ERG: variants seen among roughly 807,000 people sequenced by gnomAD.
The protein encoded by ERG is ETS transcription factor ERG, also known as transcriptional regulator ERG.
ERG carries 9 observed loss-of-function variants against 55.3 expected under a neutral mutation model. The observed-to-expected ratio is 0.16, with a 90% confidence interval of 0.10 to 0.28. ERG has a LOEUF of 0.28. Ranked by LOEUF, ERG falls within the 10% of genes least tolerant of loss-of-function variation. ERG has a pLI of 1.00. For synonymous variants in ERG, 223 were observed against 237.3 expected (o/e 0.94, Z 0.55); for missense variants, 434 against 631.6 (o/e 0.69, Z 3.35).
intron 2 of ERG, among the ~76,000 whole-genome samples, chr21:38,438,793 G>A (rs940517310): frequency 1.3e-5 from 2 of 152,216 alleles, no homozygotes; most frequent in Non-Finnish European, 2.9e-5. Flanking sequence ...CAGCTGCTGG[G>A]CTTTCTCATT....
intron 2 of ERG, among the ~76,000 whole-genome samples, chr21:38,442,575 G>A (rs1404841280): frequency 1.3e-5 from 2 of 152,112 alleles, no homozygotes; most frequent in Admixed American, 1.3e-4. Context: ...CTTTCTTATG[G>A]ACTGAAGCTC....
chr21:38,536,597 T>C (rs1893199), intron 2 of ERG, among the ~76,000 whole-genome samples: 63,246 of 151,954 alleles, frequency 0.42, 13,626 homozygotes, highest in African/African-American at 0.52. Flanking sequence ...TTTGAATGTG[T>C]AGAACCCAAC....
chr21:38,456,610 C>T (rs1026729203), intron 1 of ERG, among the ~76,000 whole-genome samples: 1 of 152,030 alleles, frequency 6.6e-6, no homozygotes, highest in Non-Finnish European at 1.5e-5. Context: ...TCATTGTTGG[C>T]ATGGGCCACA....
At chr21:38,511,568 T>A (rs931985592) in intron 2 of ERG, among the ~76,000 whole-genome samples, 1 of 152,188 alleles carries the variant, frequency 6.6e-6, no homozygotes. Context: ...ATTTAAAGTA[T>A]CACTAGGAAA....
intron 1 of ERG, among the ~76,000 whole-genome samples, chr21:38,450,294 C>T (rs530871487): frequency 5.9e-5 from 9 of 152,132 alleles, no homozygotes; most frequent in Non-Finnish European, 1.2e-4. Context: ...AGGAGAATTG[C>T]TTGAACCCGG....
intron 1 of ERG, among the ~76,000 whole-genome samples, chr21:38,618,034 G>A (rs74442108): frequency 0.01 from 1,581 of 152,286 alleles, 35 homozygotes; most frequent in African/African-American, 0.036. Flanking sequence ...AAGCCCACAC[G>A]TGTCATGGAG....
Position 38,392,398 on chromosome 21 carries a change from G to A in ERG, c.792C>T (p.Gly264=), listed in dbSNP as rs1451257831. The A allele has an allele frequency of 6.4e-7, 1 of 1,567,094 alleles. No individual in the cohort carries two copies. The highest frequency in any genetic ancestry group is 1.2e-5 in the South Asian group (1 of 85,296). The change falls in exon 7 of 10, where the codon GGC becomes GGT. Residue 264 remains glycine (G), a synonymous_variant. Coordinates refer to ENST00000288319, the MANE Select transcript of ERG (RefSeq NM_182918.4). ...PPRRSAWTGH[G]HPTPQSKAAQ... is the part of the protein sequence containing the mutation. ...TACCTTTCGACTGGGGCGTGGGGTG[G>A]CCGTGACCGGTCCAGGCTGATCTCC...
At chr21:38,568,514 C>T (rs1019377188) in intron 2 of ERG, among the ~76,000 whole-genome samples, 3 of 152,070 alleles carry the variant, frequency 2.0e-5, no homozygotes, top group African/African-American at 7.2e-5. Flanking sequence ...TAAAAATGAG[C>T]AAAAGTATAA....
chr21:38,420,519 C>T (rs2836381), intron 3 of ERG, among the ~76,000 whole-genome samples: 67,128 of 152,050 alleles, frequency 0.44, 15,588 homozygotes, highest in African/African-American at 0.59. Context: ...AAACAGCCTT[C>T]ACATCAAAGC....
chr21:38,559,188 G>A (rs761199160), intron 2 of ERG, among the ~76,000 whole-genome samples: 8 of 152,090 alleles, frequency 5.3e-5, no homozygotes, highest in Non-Finnish European at 1.0e-4. Context: ...ATCCATAGGA[G>A]GATCCTCCCA....
At chr21:38,442,615 C>A (rs2146548837) in intron 2 of ERG, among the ~76,000 whole-genome samples, 1 of 152,134 alleles carries the variant, frequency 6.6e-6, no homozygotes, top group East Asian at 1.9e-4. Flanking sequence ...TAGACTGTAG[C>A]CCCTTGCCTG....
intron 1 of ERG, among the ~76,000 whole-genome samples, chr21:38,622,051 G>T (rs182652843): frequency 7.2e-5 from 11 of 152,370 alleles, no homozygotes; most frequent in African/African-American, 2.2e-4. Context: ...AGATGGTCAG[G>T]TGCAGCCCCA....
intron 2 of ERG, among the ~76,000 whole-genome samples, chr21:38,564,722 T>G (rs553043485): frequency 1.3e-5 from 2 of 151,896 alleles, no homozygotes; most frequent in Admixed American, 6.6e-5. Context: ...AGACAGCAGT[T>G]TCTTAGCCCT....
At chr21:38,502,766 G>A (rs899748859), upstream of ERG, 11 of 137,710 alleles carry the variant, frequency 8.0e-5, no homozygotes, top group Admixed American at 2.4e-4. Flanking sequence ...TCACTCTGTC[G>A]CCCAGGCTGG....
At chr21:38,635,154 A>C (rs1189972965) in intron 1 of ERG, among the ~76,000 whole-genome samples, 1 of 152,220 alleles carries the variant, frequency 6.6e-6, no homozygotes, top group Non-Finnish European at 1.5e-5. Flanking sequence ...AGAAGGATGA[A>C]TAGGGAGAGC....
intron 2 of ERG, among the ~76,000 whole-genome samples, chr21:38,438,103 G>T (rs1371255359): frequency 1.3e-5 from 2 of 152,136 alleles, no homozygotes; most frequent in Non-Finnish European, 2.9e-5. Context: ...CAGGGCCTTT[G>T]CATTTAGCAT....
intron 1 of ERG, among the ~76,000 whole-genome samples, chr21:38,472,391 C>T (rs186567803): frequency 7.2e-5 from 11 of 152,222 alleles, no homozygotes; most frequent in Admixed American, 2.0e-4. Flanking sequence ...CTTCAATTAC[C>T]GTCTCATTTG....
intron 3 of ERG, among the ~76,000 whole-genome samples, 183 bp from the exon 4 acceptor site, chr21:38,403,892 A>G (rs769665563): frequency 6.6e-6 from 1 of 152,126 alleles, no homozygotes; most frequent in Non-Finnish European, 1.5e-5. Context: ...ACATCCATAG[A>G]TCATTGTCTT....
chr21:38,411,416 C>A (rs1050270582), intron 3 of ERG, among the ~76,000 whole-genome samples: 1 of 152,146 alleles, frequency 6.6e-6, no homozygotes, highest in African/African-American at 2.4e-5. Flanking sequence ...CTCCCAGGTT[C>A]AACTGCCTCA....
Sources: allele counts gnomAD v4.1 joint callset (sites outside exome capture counted in the v4.1 genomes callset), GRCh38; gene constraint gnomAD v4.1.1; transcripts MANE v1.5; gene names NCBI Gene and HGNC (gene_info 2026-07-23, HGNC 2026-07-21).